ADGRL4: variants seen among roughly 807,000 people sequenced by gnomAD.
The protein encoded by ADGRL4 is EGF, latrophilin and seven transmembrane domain containing 1.
Under a neutral mutation model 74.8 loss-of-function variants are expected in ADGRL4, and 90 were observed. That is an observed-to-expected ratio of 1.20 (90% CI 1.02 to 1.43). The LOEUF is 1.43. Ranked by LOEUF, ADGRL4 falls within the 40% of genes most tolerant of loss-of-function variation. The pLI, the probability that ADGRL4 is intolerant of heterozygous loss-of-function variation, is 0.00. For missense variants in ADGRL4, 881 were observed against 814.3 expected (o/e 1.08, Z -1.00); for synonymous variants, 311 against 279.2 (o/e 1.11, Z -1.14).
At chr1:78,891,304 T>A in intron 14 of ADGRL4, 88 bp from the exon 15 acceptor site, 1 of 1,396,784 alleles carries the variant, frequency 7.2e-7, no homozygotes, top group African/African-American at 1.4e-5. Context: ...TTGTTACATA[T>A]GGTTTTCTAA....
rs1323105436 is a variant in ADGRL4 at position 78,976,132 on chromosome 1, A to T, written c.172+28938T>A. ...TGGAGTTAACAGTCCCAGAAGAACA[A>T]GGTGACTAGAGTTTACAGGACAGAA... On this transcript the variant is annotated intron_variant, in intron 2 of 14. Transcript: ENST00000370742. 2.0e-5 allele frequency among the ~76,000 whole-genome samples: 3 copies of T among 152,114 alleles called. No individual in the cohort carries two copies. In the East Asian group the frequency reaches 5.8e-4, roughly 29 times the overall value.
At chr1:78,945,177 A>AAAAAAAAAAAAAAAT (rs376405445) in intron 3 of ADGRL4, among the ~76,000 whole-genome samples, 3 of 127,924 alleles carry the variant, frequency 2.3e-5, no homozygotes, top group South Asian at 2.5e-4. Context: ...AAAAAAAAAA[A>AAAAAAAAAAAAAAAT]ATATATATAT....
intron 7 of ADGRL4, among the ~76,000 whole-genome samples, chr1:78,930,353 G>T (rs1649211969): frequency 1.3e-5 from 2 of 150,714 alleles, no homozygotes; most frequent in Admixed American, 1.3e-4. Context: ...TATCAGCAGG[G>T]TTTTTTCTAA....
intron 2 of ADGRL4, among the ~76,000 whole-genome samples, chr1:78,966,481 G>A (rs887855684): frequency 2.6e-5 from 4 of 152,200 alleles, no homozygotes; most frequent in South Asian, 2.1e-4. Context: ...AGTAAAATGG[G>A]GACTCAAATC....
At chr1:78,995,482 G>A (rs1650695002) in intron 2 of ADGRL4, among the ~76,000 whole-genome samples, 1 of 152,188 alleles carries the variant, frequency 6.6e-6, no homozygotes, top group Non-Finnish European at 1.5e-5. Context: ...GAGACGAGAT[G>A]AGTACAAAGA....
intron 2 of ADGRL4, among the ~76,000 whole-genome samples, chr1:78,981,511 T>A (rs1198002701): frequency 6.6e-6 from 1 of 151,898 alleles, no homozygotes; most frequent in African/African-American, 2.4e-5. Flanking sequence ...TGATGAAGAT[T>A]ATAGGAATTT....
chr1:78,943,239 T>G, intron 3 of ADGRL4, among the ~76,000 whole-genome samples: 1 of 152,260 alleles, frequency 6.6e-6, no homozygotes, highest in South Asian at 2.1e-4. Flanking sequence ...CAGTAAACAA[T>G]GCTCTAAAAC....
intron 2 of ADGRL4, among the ~76,000 whole-genome samples, chr1:79,003,503 G>T (rs1275333538): frequency 5.8e-5 from 8 of 136,884 alleles, no homozygotes; most frequent in South Asian, 2.2e-4. Flanking sequence ...AGGTCTTAAA[G>T]AATTTTTTTT....
chr1:78,917,059 C>T (rs1648887302), intron 12 of ADGRL4, among the ~76,000 whole-genome samples: 1 of 151,848 alleles, frequency 6.6e-6, no homozygotes, highest in Non-Finnish European at 1.5e-5. Flanking sequence ...CTTGTCTGTT[C>T]ATGAGAAATA....
intron 2 of ADGRL4, among the ~76,000 whole-genome samples, chr1:78,977,934 C>T (rs950656010): frequency 3.3e-5 from 5 of 151,792 alleles, no homozygotes; most frequent in Non-Finnish European, 7.4e-5. Flanking sequence ...AAAAGACATC[C>T]AGTAAGTAAA....
rs1190575644 is a variant in ADGRL4, at chr1:78,893,144, G to A, written c.1795C>T (p.His599Tyr). The change falls in exon 13 of 15, where the codon CAC becomes TAC. Residue 599 changes from histidine (H) to tyrosine (Y), a missense_variant. Physicochemically the swap from His to Tyr is moderately conservative, Grantham distance 83 (BLOSUM62 2). Coordinates refer to ENST00000370742, the MANE Select transcript of ADGRL4 (RefSeq NM_022159.4). ...ACTTCTGGTTTCAACCCTGCAGTGT[G>A]ACGAAAAACTTTGTATATGATGACT... ...FGVIIYKVFR[H>Y]TAGLKPEVSC... 1 of 1,604,226 alleles carries A rather than the reference G, an allele frequency of 6.2e-7. No homozygotes were observed. The highest frequency in any genetic ancestry group is 1.7e-5 in the Admixed American group (1 of 58,522).
chr1:79,006,141 T>C (rs1650958016), intron 1 of ADGRL4, among the ~76,000 whole-genome samples: 2 of 152,238 alleles, frequency 1.3e-5, no homozygotes, highest in African/African-American at 4.8e-5. Flanking sequence ...CTAACATTAG[T>C]TGTCCTTATC....
At chr1:78,896,353 G>A (rs1266024090) in intron 12 of ADGRL4, among the ~76,000 whole-genome samples, 4 of 151,942 alleles carry the variant, frequency 2.6e-5, no homozygotes, top group African/African-American at 9.7e-5. Context: ...TGTCTGTTTT[G>A]TCTGTCCTTT....
intron 2 of ADGRL4, among the ~76,000 whole-genome samples, chr1:78,963,930 T>A (rs1359659437): frequency 1.3e-5 from 2 of 152,212 alleles, no homozygotes; most frequent in African/African-American, 2.4e-5. Context: ...TGTAATCAAA[T>A]ATCAGGCTTC....
chr1:78,921,712 T>G lies in ADGRL4; in HGVS notation c.1158A>C (p.Ser386=). Reference sequence around the variant, plus strand: ...TTGAGTATGTCAGCTCACAGCCCTCTGAAGACCAGCTGCCATTCATGGTAT... The same window carrying G: ...TTGAGTATGTCAGCTCACAGCCCTCGGAAGACCAGCTGCCATTCATGGTAT... ...SPDTMNGSWS[S]EGCELTYSNE... is the part of the protein sequence containing the mutation. The change falls in exon 9 of 15, where the codon TCA becomes TCC. Residue 386 remains serine (S), a synonymous_variant. Transcript: ENST00000370742. 1 of 1,604,738 alleles carries G rather than the reference T, an allele frequency of 6.2e-7. No individual in the cohort carries two copies. Among genetic ancestry groups the G allele is most frequent in the South Asian group, 1.1e-5 (1 of 90,276 alleles).
rs368594077 is a variant in ADGRL4, at chr1:78,953,121, A to G, written c.173-6695T>C. On this transcript the variant is annotated intron_variant, in intron 2 of 14. Transcript: ENST00000370742. ...AAGGTAAATGAAATGAAACAATCTT[A>G]TGTTTGTACATATTGGAAACCACTT... Among the ~76,000 whole-genome samples, 31 of 152,314 alleles carry G rather than the reference A, an allele frequency of 2.0e-4. 1 individual carries two copies. The South Asian group carries it at 6.4e-3, about 32-fold the overall frequency.
In ADGRL4 at chr1:79,000,943, G is replaced by A. The variant is rs547453805; in HGVS notation, c.172+4127C>T. 5.9e-5 allele frequency among the ~76,000 whole-genome samples: 9 copies of A among 152,050 alleles called. No homozygotes were observed. In the South Asian group the frequency reaches 1.2e-3, roughly 21 times the overall value. On this transcript the variant is annotated intron_variant, in intron 2 of 14. Coordinates refer to ENST00000370742, the MANE Select transcript of ADGRL4 (RefSeq NM_022159.4). Reference sequence around the variant, plus strand: ...CATTTAAGAAGCTCCTCTGAGATACGTAAAAATTCCCTAAGATTTTTAGTA... The same window carrying A: ...CATTTAAGAAGCTCCTCTGAGATACATAAAAATTCCCTAAGATTTTTAGTA...
intron 12 of ADGRL4, among the ~76,000 whole-genome samples, chr1:78,901,312 C>T (rs1648513242): frequency 6.6e-6 from 1 of 152,170 alleles, no homozygotes; most frequent in African/African-American, 2.4e-5. Context: ...CCAAGGATGT[C>T]ACCCTCTTCA....
intron 2 of ADGRL4, among the ~76,000 whole-genome samples, chr1:78,976,550 A>G (rs1400531444): frequency 6.6e-6 from 1 of 151,828 alleles, no homozygotes; most frequent in Non-Finnish European, 1.5e-5. Flanking sequence ...TGAGCTACAG[A>G]TGGTTTTATA....
Sources: gnomAD v4.1 joint callset for allele counts (sites outside exome capture counted in the v4.1 genomes callset) on GRCh38, gnomAD v4.1.1 for gene constraint, MANE v1.5 for transcripts, NCBI Gene and HGNC (gene_info 2026-07-23, HGNC 2026-07-21) for gene names.